SYNE2: variants seen among roughly 807,000 people sequenced by gnomAD.
The protein encoded by SYNE2 is spectrin repeat containing nuclear envelope protein 2, also known as nesprin-2.
Under a neutral mutation model 856.3 loss-of-function variants are expected in SYNE2, and 431 were observed. The ratio of observed to expected loss-of-function variants is 0.50; its 90% confidence interval spans 0.47 to 0.55. SYNE2 has a LOEUF of 0.55. Ranked by LOEUF, SYNE2 falls within the 20% of genes least tolerant of loss-of-function variation. The pLI is 0.00. For synonymous variants in SYNE2, 2,923 were observed against 2,872.3 expected (o/e 1.02, Z -0.56); for missense variants, 8,129 against 8,023.2 (o/e 1.01, Z -0.50).
Position 64,223,058 on chromosome 14 carries a change from T to C in SYNE2, c.20191-131T>C, listed in dbSNP as rs1027397476. ...GGAGGACACAGGCAGATATGAGAAA[T>C]AGAGGATTCTCGAGTTGAGTACTAC... On this transcript the variant is annotated intron_variant, in intron 112 of 115. Coordinates refer to ENST00000555002, the MANE Select transcript of SYNE2 (RefSeq NM_182914.3). 1.2e-5 allele frequency: 10 copies of C among 855,748 alleles called. No homozygotes were observed. The East Asian group carries it at 1.6e-4, about 13-fold the overall frequency. The allele number at this position is 855,748 out of a possible 1,614,324, so 53.0% of individuals were successfully genotyped here.
At chr14:64,164,446 G>A (rs959684930) in intron 89 of SYNE2, among the ~76,000 whole-genome samples, 4 of 151,946 alleles carry the variant, frequency 2.6e-5, no homozygotes, top group African/African-American at 7.3e-5. Context: ...ATGGGGTTTC[G>A]CCACATTGGC....
intron 1 of SYNE2, among the ~76,000 whole-genome samples, chr14:63,902,146 C>T (rs2095345007): frequency 6.6e-6 from 1 of 152,116 alleles, no homozygotes; most frequent in African/African-American, 2.4e-5. Flanking sequence ...CGTGGTGGCT[C>T]ATGCCTGTAA....
At chr14:63,972,656 T>G (rs2153460126) in intron 11 of SYNE2, among the ~76,000 whole-genome samples, 1 of 152,296 alleles carries the variant, frequency 6.6e-6, no homozygotes, top group Non-Finnish European at 1.5e-5. Flanking sequence ...CAAAAAGTAA[T>G]TACTGCAGAA....
At chr14:63,776,831 C>A (rs1887126192) in intron 1 of SYNE2, among the ~76,000 whole-genome samples, 1 of 152,094 alleles carries the variant, frequency 6.6e-6, no homozygotes, top group Non-Finnish European at 1.5e-5. Flanking sequence ...AAACTCCTGA[C>A]CTCAAGTGAT....
At chr14:64,026,484 T>C (rs975122936) in intron 41 of SYNE2, 95 bp from the exon 42 acceptor site, 114 of 974,656 alleles carry the variant, frequency 1.2e-4, no homozygotes, top group Non-Finnish European at 1.7e-4. Context: ...ACCCTACAGA[T>C]AGAATCTCTA....
chr14:63,863,756 A>T (rs12883728), intron 1 of SYNE2, among the ~76,000 whole-genome samples: 8,630 of 152,288 alleles, frequency 0.057, 265 homozygotes, highest in Middle Eastern at 0.095. Flanking sequence ...AGGAATGATT[A>T]TCATGAATTC....
chr14:63,962,021 ATAT>A (rs1043414138), intron 9 of SYNE2, among the ~76,000 whole-genome samples: 4 of 151,350 alleles, frequency 2.6e-5, no homozygotes, highest in Non-Finnish European at 5.9e-5. Flanking sequence ...TTTTATTATA[ATAT>A]TCTATTTTTT....
chr14:63,990,240 G>A (rs1375117892), intron 19 of SYNE2, among the ~76,000 whole-genome samples, 171 bp from the exon 20 acceptor site: 1 of 152,120 alleles, frequency 6.6e-6, no homozygotes, highest in East Asian at 1.9e-4. Context: ...GAATCTGATT[G>A]TATCAATATG....
chr14:63,916,743 G>A (rs1320502103), intron 2 of SYNE2, among the ~76,000 whole-genome samples: 1 of 152,076 alleles, frequency 6.6e-6, no homozygotes, highest in Non-Finnish European at 1.5e-5. Flanking sequence ...CCTTATAACT[G>A]TGAGTGAATG....
intron 65 of SYNE2, among the ~76,000 whole-genome samples, chr14:64,111,774 G>T (rs1297396587): frequency 6.6e-6 from 1 of 152,004 alleles, no homozygotes; most frequent in African/African-American, 2.4e-5. Context: ...CTCCAGCCTG[G>T]GTGACAGAGG....
chr14:64,089,328 T>TGCACTGAAGCTGG (rs1328384411), intron 58 of SYNE2, among the ~76,000 whole-genome samples: 2 of 132,020 alleles, frequency 1.5e-5, no homozygotes, highest in East Asian at 4.5e-4. Flanking sequence ...ATCGCGACAT[T>TGCACTGAAGCTGG]GCACTCCAGC....
intron 99 of SYNE2, 97 bp downstream of exon 99, chr14:64,190,334 A>G: frequency 2.0e-6 from 3 of 1,525,220 alleles, no homozygotes; most frequent in East Asian, 2.3e-5. Context: ...TGATCCAGCA[A>G]TTTTATAAGT....
At position 64,110,588 on chromosome 14, in the gene SYNE2, A is replaced by ACCCCCC. The variant is rs11315645; in HGVS notation, c.12610-2745_12610-2740dup. On this transcript the variant is annotated intron_variant, in intron 65 of 115. Coordinates refer to ENST00000555002, the MANE Select transcript of SYNE2 (RefSeq NM_182914.3). Reference sequence around the variant, plus strand: ...AAATACTTATAGTAATACTTTTTACACCCCCCCCCCCCCGCCAAAGTGTAC... The same window carrying ACCCCCC: ...AAATACTTATAGTAATACTTTTTACACCCCCCCCCCCCCCCCCCCGCCAAAGTGTAC... Among the ~76,000 whole-genome samples the ACCCCCC allele has an allele frequency of 7.8e-4, 59 of 75,368 alleles. 1 individual carries two copies. The highest frequency in any genetic ancestry group is 2.4e-3 in the East Asian group (4 of 1,652). The allele number at this position is 75,368 out of a possible 152,430, so 49.4% of individuals were successfully genotyped here.
intron 3 of SYNE2, among the ~76,000 whole-genome samples, chr14:63,941,009 T>G (rs1370127781): frequency 1.3e-5 from 2 of 152,250 alleles, no homozygotes; most frequent in African/African-American, 4.8e-5. Context: ...TCCTAAACTC[T>G]TTAAGTGTAA....
At chr14:63,867,710 AAAAGAATAAAAAGAATG>A (rs1455774397) in intron 1 of SYNE2, among the ~76,000 whole-genome samples, 41 of 132,274 alleles carry the variant, frequency 3.1e-4, no homozygotes, top group South Asian at 5.5e-4. Flanking sequence ...AAAAAGAATA[AAAAGAATAAAAAGAATG>A]AAAGAATGAA....
chr14:63,988,130 C>G lies in SYNE2; in HGVS notation c.2313+1513C>G, dbSNP rs576862592. On this transcript the variant is annotated intron_variant, in intron 19 of 115. Transcript: ENST00000555002. ...ACAGGGTTCTGCTCTGTCACCCAGG[C>G]TGGAGTACAGTGGCACAACCATGGC... 5.9e-5 allele frequency among the ~76,000 whole-genome samples: 9 copies of G among 152,334 alleles called. No homozygotes were observed. In the South Asian group the frequency reaches 1.9e-3, roughly 32 times the overall value.
Position 64,052,975 on chromosome 14 carries a change from A to C in SYNE2, c.9062A>C (p.Gln3021Pro). 1 of 1,610,382 alleles carries C rather than the reference A, an allele frequency of 6.2e-7. No individual in the cohort carries two copies. The highest frequency in any genetic ancestry group is 8.5e-7 in the Non-Finnish European group (1 of 1,179,196). ...NWDFSQLDQL[Q>P]TQVFEKEKEL... Reference sequence around the variant, plus strand: ...GATTTTTCACAACTTGACCAATTACAAACCCAAGTATTTGAAAAAGAAAAG... The same window carrying C: ...GATTTTTCACAACTTGACCAATTACCAACCCAAGTATTTGAAAAAGAAAAG... Residue 3021 changes from glutamine (Q) to proline (P), a missense_variant, in exon 48 of 116, where the codon CAA becomes CCA. By Grantham distance (76) the Gln-to-Pro change is moderately conservative. Coordinates refer to ENST00000555002, the MANE Select transcript of SYNE2 (RefSeq NM_182914.3).
rs566247933 is a variant in SYNE2 at position 64,033,548 on chromosome 14, T to C, written c.7221+2191T>C. Among the ~76,000 whole-genome samples the C allele has an allele frequency of 3.8e-4, 56 of 148,262 alleles. No individual in the cohort carries two copies. In the South Asian group the frequency reaches 8.3e-3, roughly 22 times the overall value. ...AAAAAATACAAAAATTAGCCAGAGG[T>C]GGTGGCACATGCCTATAGTCCCAGC... is the stretch of plus-strand genomic sequence containing the variant. On this transcript the variant is annotated intron_variant, in intron 45 of 115. Coordinates refer to ENST00000555002, the MANE Select transcript of SYNE2 (RefSeq NM_182914.3).
chr14:64,214,865 G>A (rs2098658358), intron 106 of SYNE2, among the ~76,000 whole-genome samples: 2 of 151,976 alleles, frequency 1.3e-5, no homozygotes, highest in Admixed American at 6.6e-5. Flanking sequence ...TCAGCCTCCT[G>A]AGTAGCTGGG....
Sources: gnomAD v4.1 joint callset for allele counts (sites outside exome capture counted in the v4.1 genomes callset) on GRCh38, gnomAD v4.1.1 for gene constraint, MANE v1.5 for transcripts, NCBI Gene and HGNC (gene_info 2026-07-23, HGNC 2026-07-21) for gene names.